The following IFT81 variants were observed in gnomAD, a reference collection of about 807,000 sequenced individuals.
IFT81 encodes the protein intraflagellar transport 81, also known as intraflagellar transport protein 81 homolog.
IFT81 carries 72 observed loss-of-function variants against 102.6 expected under a neutral mutation model. The ratio of observed to expected loss-of-function variants is 0.70; its 90% CI spans 0.58 to 0.85. IFT81 has a LOEUF of 0.85. Ranked by LOEUF, IFT81 falls within the 40% of genes least tolerant of loss-of-function variation. IFT81 has a pLI of 0.00. For synonymous variants in IFT81, 237 were observed against 242.7 expected, an observed-to-expected ratio of 0.98 and a Z score of 0.22; for missense variants, 723 against 787.3, an observed-to-expected ratio of 0.92 and a Z score of 0.98.
chr12:110,188,156 C>A (rs935564007), intron 12 of IFT81, among the ~76,000 whole-genome samples: 10 of 151,890 alleles, frequency 6.6e-5, no homozygotes, highest in Non-Finnish European at 1.0e-4. Context: ...CACAGTGAAA[C>A]CCTGTCTCTA....
rs1870382397 is a variant in IFT81 at position 110,218,161 on chromosome 12, C to G, written c.1966C>G (p.Gln656Glu). 6.3e-7 allele frequency: 1 copy of G among 1,585,808 alleles called. No homozygotes were observed. The highest frequency in any genetic ancestry group is 8.5e-7 in the Non-Finnish European group (1 of 1,171,872). Residue 656 changes from glutamine to glutamate, a missense_variant, in exon 19 of 19, where the codon CAA (glutamine) becomes GAA (glutamate). By Grantham distance (29) the Gln-to-Glu change is conservative (BLOSUM62 2). Transcript: ENST00000242591. Reference sequence around the variant, plus strand: ...ATGTAAGAAACAGTGCTTTCTGAAACAACAAAGCCAAACTTCCATTGGTCA... The same window carrying G: ...ATGTAAGAAACAGTGCTTTCTGAAAGAACAAAGCCAAACTTCCATTGGTCA... Reference protein sequence around the residue: ...MECKKQCFLKQQSQTSIGQVI... With the variant: ...MECKKQCFLKEQSQTSIGQVI...
intron 17 of IFT81, among the ~76,000 whole-genome samples, chr12:110,208,883 G>T (rs1416029032): frequency 2.6e-5 from 4 of 152,234 alleles, no homozygotes; most frequent in South Asian, 2.1e-4. Flanking sequence ...CAGATGGGTT[G>T]CCATTGTTTT....
chr12:110,150,231 C>A (rs530457982), intron 10 of IFT81, among the ~76,000 whole-genome samples: 2 of 152,136 alleles, frequency 1.3e-5, no homozygotes, highest in Non-Finnish European at 2.9e-5. Flanking sequence ...CTCAGCTTCC[C>A]AAGTAGCTGG....
At chr12:110,142,483 A>AT (rs1894951602) in intron 8 of IFT81, among the ~76,000 whole-genome samples, 1 of 152,038 alleles carries the variant, frequency 6.6e-6, no homozygotes, top group Non-Finnish European at 1.5e-5. Context: ...TCTTTTTTAG[A>AT]TTTTAACTTG....
chr12:110,152,253 T>TA (rs983362344), intron 10 of IFT81, among the ~76,000 whole-genome samples: 2 of 152,268 alleles, frequency 1.3e-5, no homozygotes, highest in African/African-American at 4.8e-5. Flanking sequence ...ATGGCTATAC[T>TA]AATTTACATT....
chr12:110,216,910 G>T, intron 18 of IFT81: 2 of 194,918 alleles, frequency 1.0e-5, no homozygotes, highest in South Asian at 1.6e-4. Flanking sequence ...TTGGTTTCTT[G>T]AGAAATTTTT....
chr12:110,207,956 T>C (rs1868897516), intron 17 of IFT81, among the ~76,000 whole-genome samples: 1 of 152,218 alleles, frequency 6.6e-6, no homozygotes, highest in Non-Finnish European at 1.5e-5. Context: ...AAAATTTTTT[T>C]TTTAGCTTAC....
intron 17 of IFT81, among the ~76,000 whole-genome samples, chr12:110,206,996 T>C (rs915826542): frequency 2.0e-5 from 3 of 152,074 alleles, no homozygotes; most frequent in African/African-American, 7.2e-5. Flanking sequence ...AAATAATTGC[T>C]CTTGAACTAT....
In IFT81 at chr12:110,146,987, T is replaced by C. The variant is rs1160637097; in HGVS notation, c.980T>C (p.Ile327Thr). 2 of 1,610,862 alleles carry C rather than the reference T, an allele frequency of 1.2e-6. No homozygotes were observed. Among genetic ancestry groups the C allele is most frequent in the Non-Finnish European group, 1.7e-6 (2 of 1,178,546 alleles). Residue 327 changes from isoleucine (I) to threonine (T), a missense_variant, in exon 10 of 19, where the codon ATT (isoleucine) becomes ACT (threonine). Coordinates refer to ENST00000242591, the MANE Select transcript of IFT81 (RefSeq NM_014055.4). ...NEINTEINQL[I>T]EKKMMRNEPI... ...ATAAACACAGAAATTAACCAGTTGA[T>C]TGAAAAGAAAATGATGAGAAATGAG...
chr12:110,125,800 T>C (rs1893800292), intron 1 of IFT81, among the ~76,000 whole-genome samples: 1 of 152,262 alleles, frequency 6.6e-6, no homozygotes, highest in African/African-American at 2.4e-5. Flanking sequence ...AGTTATGATC[T>C]TTCTCACTGC....
chr12:110,158,239 C>T (rs1292112736), intron 10 of IFT81, among the ~76,000 whole-genome samples: 3 of 151,644 alleles, frequency 2.0e-5, no homozygotes, highest in Admixed American at 2.0e-4. Context: ...AGCCATCACA[C>T]CTGGCTAATT....
At chr12:110,207,235 A>G (rs1426927539) in intron 17 of IFT81, among the ~76,000 whole-genome samples, 1 of 151,916 alleles carries the variant, frequency 6.6e-6, no homozygotes, top group African/African-American at 2.4e-5. Flanking sequence ...ATATTTTTGT[A>G]TTTTTGTAGA....
chr12:110,140,508 A>G (rs1334074158), intron 8 of IFT81, among the ~76,000 whole-genome samples: 2 of 152,124 alleles, frequency 1.3e-5, no homozygotes, highest in Admixed American at 1.3e-4. Context: ...TTTTTTTTAA[A>G]TAGAGAAAAT....
At chr12:110,132,193 G>A (rs768497083) in intron 4 of IFT81, among the ~76,000 whole-genome samples, 3 of 152,036 alleles carry the variant, frequency 2.0e-5, no homozygotes, top group East Asian at 1.9e-4. Flanking sequence ...GGCTAGGCGC[G>A]GTGGCTCACG....
At chr12:110,136,551 ATAAC>A (rs1370206843) in intron 7 of IFT81, among the ~76,000 whole-genome samples, 3 of 152,234 alleles carry the variant, frequency 2.0e-5, no homozygotes, top group Non-Finnish European at 1.5e-5. Flanking sequence ...AATTCAGTAA[ATAAC>A]TAAAGAAAAA....
At chr12:110,180,223 T>C (rs886756224) in intron 11 of IFT81, among the ~76,000 whole-genome samples, 199 bp from the exon 12 acceptor site, 1 of 134,690 alleles carries the variant, frequency 7.4e-6, no homozygotes, top group Non-Finnish European at 1.6e-5. Flanking sequence ...GGAAGTTTTA[T>C]AATAAAACTA....
chr12:110,166,614 A>G (rs1043308015), intron 11 of IFT81, among the ~76,000 whole-genome samples: 20 of 152,066 alleles, frequency 1.3e-4, no homozygotes, highest in African/African-American at 4.6e-4. Context: ...CTTAAGAAAC[A>G]GAGAAATTGA....
At chr12:110,156,274 T>C (rs1231365520) in intron 10 of IFT81, among the ~76,000 whole-genome samples, 2 of 152,232 alleles carry the variant, frequency 1.3e-5, no homozygotes, top group Non-Finnish European at 2.9e-5. Context: ...TACAGACCGT[T>C]GTTACACTAA....
chr12:110,187,044 C>A (rs572852090), intron 12 of IFT81, among the ~76,000 whole-genome samples: 161 of 149,244 alleles, frequency 1.1e-3, no homozygotes, highest in African/African-American at 3.9e-3. Flanking sequence ...TAATCTTCTT[C>A]TTTTTTGTGT....
Sources: allele counts gnomAD v4.1 joint callset (sites outside exome capture counted in the v4.1 genomes callset), GRCh38; gene constraint gnomAD v4.1.1; transcripts MANE v1.5; gene names NCBI Gene and HGNC (gene_info 2026-07-23, HGNC 2026-07-21).